Variants in SEMA6D observed in about 807,000 individuals in gnomAD.
SEMA6D encodes semaphorin 6D, also known as semaphorin-6D.
Under a neutral mutation model 106.6 loss-of-function variants are expected in SEMA6D, and 35 were observed. The ratio of observed to expected loss-of-function variants is 0.33; its 90% confidence interval spans 0.25 to 0.44. SEMA6D has a LOEUF of 0.44. SEMA6D is among the 20% of genes least tolerant of loss of function. The pLI is 1.00. For synonymous variants in SEMA6D, 499 were observed against 487.7 expected, an observed-to-expected ratio of 1.02 and a Z score of -0.31; for missense variants, 1,185 against 1,345.9, an observed-to-expected ratio of 0.88 and a Z score of 1.87.
rs2082213517 is a variant in SEMA6D, at chr15:47,764,219, A to G, written c.1011A>G (p.Glu337=). ...GTGCATTTAGCATGGATGACATTGAAAAAGTATTCAAAGGACGGTTTAAGG... is the reference window on the plus strand; with the variant it reads ...GTGCATTTAGCATGGATGACATTGAGAAAGTATTCAAAGGACGGTTTAAGG... ...AVCAFSMDDI[E]KVFKGRFKEQ... Residue 337 remains glutamate, a synonymous_variant, in exon 11 of 19, where the codon GAA becomes GAG. Transcript: ENST00000536845. The G allele has an allele frequency of 1.2e-6, 2 of 1,613,842 alleles. No individual in the cohort carries two copies. Among genetic ancestry groups the G allele is most frequent in the East Asian group, 4.5e-5 (2 of 44,868 alleles).
chr15:47,516,808 C>T (rs1318115535), intron 3 of SEMA6D, among the ~76,000 whole-genome samples: 1 of 152,164 alleles, frequency 6.6e-6, no homozygotes, highest in African/African-American at 2.4e-5. Context: ...AAATATTCTC[C>T]TAGAGCTAAT....
At chr15:47,361,067 A>G (rs1228590453) in intron 1 of SEMA6D, among the ~76,000 whole-genome samples, 1 of 152,202 alleles carries the variant, frequency 6.6e-6, no homozygotes, top group East Asian at 1.9e-4. Flanking sequence ...GTTTGTAACT[A>G]CTAGGACTTC....
rs145380606 is a variant in SEMA6D, at chr15:47,313,436, T to C, written c.-238-98957T>C. Among the ~76,000 whole-genome samples, 18 of 152,352 alleles carry C rather than the reference T, an allele frequency of 1.2e-4. 1 individual carries two copies. In the East Asian group the frequency reaches 3.5e-3, roughly 29 times the overall value. On this transcript the variant is annotated intron_variant, in intron 1 of 19. Coordinates refer to the SEMA6D transcript ENST00000558014. Reference sequence around the variant, plus strand: ...TGCATTTAAGCTTCCTCCATGTATTTTCATAGCTTGATAGCTATTTTTTAG... The same window carrying C: ...TGCATTTAAGCTTCCTCCATGTATTCTCATAGCTTGATAGCTATTTTTTAG...
rs145807453 is a variant in SEMA6D at position 47,538,163 on chromosome 15, T to C, written c.-86-62702T>C. 4.6e-3 allele frequency among the ~76,000 whole-genome samples: 699 copies of C among 152,280 alleles called. 9 individuals carry two copies. The highest frequency in any genetic ancestry group is 0.016 in the African/African-American group (660 of 41,556). ...CGATGAGATATTTTCTCAAAAACTATAGTAATTTGATAGAAGCTACACATT... is the reference window on the plus strand; with the variant it reads ...CGATGAGATATTTTCTCAAAAACTACAGTAATTTGATAGAAGCTACACATT... On this transcript the variant is annotated intron_variant, in intron 3 of 19. Coordinates refer to the SEMA6D transcript ENST00000558014.
At chr15:47,535,661 G>A (rs1171597108) in intron 3 of SEMA6D, among the ~76,000 whole-genome samples, 1 of 151,306 alleles carries the variant, frequency 6.6e-6, no homozygotes, top group Non-Finnish European at 1.5e-5. Flanking sequence ...ATACTAGATA[G>A]AAAGTGACAA....
chr15:47,766,597 T>C lies in SEMA6D; in HGVS notation c.1647-19T>C, dbSNP rs368449166. 1.2e-6 allele frequency: 2 copies of C among 1,612,564 alleles called. No homozygotes were observed. The highest frequency in any genetic ancestry group is 1.7e-6 in the Non-Finnish European group (2 of 1,179,034). On this transcript the variant is annotated intron_variant, in intron 15 of 18. Transcript: ENST00000536845. ...TGAAGGCTGTTAACCGAAGACTTCT[T>C]TGCTTTCCATAACCACAGTGCTGAA...
chr15:47,325,239 T>C (rs886916711), intron 1 of SEMA6D, among the ~76,000 whole-genome samples: 3 of 151,726 alleles, frequency 2.0e-5, no homozygotes, highest in African/African-American at 7.3e-5. Flanking sequence ...AGTGGCGCCA[T>C]CTCGGCTCAC....
intron 4 of SEMA6D, among the ~76,000 whole-genome samples, chr15:47,652,740 A>G (rs2077717746): frequency 6.6e-6 from 1 of 152,206 alleles, no homozygotes; most frequent in Admixed American, 6.5e-5. Context: ...GGAAGGTTCA[A>G]GGACTGGCTT....
At chr15:47,216,346 A>G (rs2030596318) in intron 1 of SEMA6D, among the ~76,000 whole-genome samples, 1 of 152,198 alleles carries the variant, frequency 6.6e-6, no homozygotes, top group African/African-American at 2.4e-5. Flanking sequence ...TCAAAAACAA[A>G]CATACGCACA....
chr15:47,236,686 C>G (rs1427642459), intron 1 of SEMA6D, among the ~76,000 whole-genome samples: 6 of 152,168 alleles, frequency 3.9e-5, no homozygotes, highest in African/African-American at 1.4e-4. Context: ...AGTGCATCCA[C>G]TATAGATGTA....
At chr15:47,636,619 C>T (rs927577918) in intron 4 of SEMA6D, among the ~76,000 whole-genome samples, 1 of 152,156 alleles carries the variant, frequency 6.6e-6, no homozygotes. Flanking sequence ...TCTATCATTT[C>T]CTCTTAAGAT....
intron 1 of SEMA6D, among the ~76,000 whole-genome samples, chr15:47,259,371 T>C (rs1486697822): frequency 6.6e-6 from 1 of 152,242 alleles, no homozygotes; most frequent in Non-Finnish European, 1.5e-5. Flanking sequence ...TTGACAGATT[T>C]TTTTACACTT....
At chr15:47,467,418 A>G (rs1042949746) in intron 2 of SEMA6D, among the ~76,000 whole-genome samples, 1 of 152,204 alleles carries the variant, frequency 6.6e-6, no homozygotes, top group African/African-American at 2.4e-5. Context: ...AATGCTTGCT[A>G]GAAGAGGCAA....
intron 1 of SEMA6D, among the ~76,000 whole-genome samples, chr15:47,328,111 A>T (rs2037203705): frequency 6.6e-6 from 1 of 152,092 alleles, no homozygotes; most frequent in Non-Finnish European, 1.5e-5. Flanking sequence ...ATGGAAAGAA[A>T]GCTGCAGAAC....
At chr15:47,451,063 C>T (rs2042176561) in intron 2 of SEMA6D, among the ~76,000 whole-genome samples, 1 of 152,078 alleles carries the variant, frequency 6.6e-6, no homozygotes, top group Admixed American at 6.6e-5. Context: ...AAATCAACAA[C>T]CCTGCTTTGC....
At chr15:47,700,074 C>T (rs1335982559) in intron 4 of SEMA6D, among the ~76,000 whole-genome samples, 1 of 151,964 alleles carries the variant, frequency 6.6e-6, no homozygotes, top group East Asian at 1.9e-4. Flanking sequence ...ATATGTACAA[C>T]ATAGGTACAA....
rs868750130 is a variant in SEMA6D, at chr15:47,756,915, T to C, written c.-54-2830T>C. Among the ~76,000 whole-genome samples the C allele has an allele frequency of 9.1e-5, 13 of 142,502 alleles. 1 individual carries two copies. The South Asian group carries it at 1.1e-3, about 12-fold the overall frequency. 93.5% of individuals were successfully genotyped at this position (142,502 alleles called of 152,430 possible). A position where few individuals can be genotyped will look rare whatever the true frequency, so the allele number is the denominator to read the frequency against. On this transcript the variant is annotated intron_variant, in intron 1 of 18. Coordinates refer to ENST00000536845, the MANE Select transcript of SEMA6D (RefSeq NM_001358351.3). Reference sequence around the variant, plus strand: ...AATGTAATTTTTTTTTTTTTTTTTTTCAGAAATACAGCTTTATGCAGAGAC... The same window carrying C: ...AATGTAATTTTTTTTTTTTTTTTTTCCAGAAATACAGCTTTATGCAGAGAC...
chr15:47,760,313 A>T lies in SEMA6D; in HGVS notation c.119A>T (p.Gln40Leu). The T allele has an allele frequency of 6.2e-7, 1 of 1,613,088 alleles. No homozygotes were observed. The highest frequency in any genetic ancestry group is 8.5e-7 in the Non-Finnish European group (1 of 1,179,274). ...CCATTTTTACTTGCAGATTCAAGGC[A>T]ATATCCGGTTTTTAGAGGACGCCCT... ...LNTVDYHYSRQYPVFRGRPSG... is the reference protein window; with the variant it reads ...LNTVDYHYSRLYPVFRGRPSG... The change falls in exon 3 of 19, where the codon CAA becomes CTA. Residue 40 changes from glutamine (Q) to leucine (L), a missense_variant. By Grantham distance (113) the Gln-to-Leu change is moderately radical. Transcript: ENST00000536845.
chr15:47,513,605 G>A (rs541287131), intron 3 of SEMA6D, among the ~76,000 whole-genome samples: 1 of 152,238 alleles, frequency 6.6e-6, no homozygotes, highest in South Asian at 2.1e-4. Context: ...GGTACCAAAG[G>A]GATAAATCTG....
Sources: allele counts gnomAD v4.1 joint callset (sites outside exome capture counted in the v4.1 genomes callset), GRCh38; gene constraint gnomAD v4.1.1; transcripts MANE v1.5; gene names NCBI Gene and HGNC (gene_info 2026-07-23, HGNC 2026-07-21).